Variants in SHOC2 observed in about 807,000 individuals in gnomAD.
SHOC2 encodes the protein SHOC2 leucine rich repeat scaffold protein.
In SHOC2, 4 loss-of-function variants were observed where a neutral mutation model predicts 50.2. That is an observed-to-expected ratio of 0.08 (90% CI 0.04 to 0.18). The LOEUF is 0.18. Ranked by LOEUF, SHOC2 falls within the 10% of genes least tolerant of loss-of-function variation. The pLI is 1.00. For missense variants in SHOC2, 388 were observed against 669.6 expected (o/e 0.58, Z 4.64); for synonymous variants, 218 against 244.5 (o/e 0.89, Z 1.01).
intron 2 of SHOC2, among the ~76,000 whole-genome samples, chr10:110,976,845 C>T (rs1046221244): frequency 3.3e-5 from 5 of 151,946 alleles, no homozygotes; most frequent in African/African-American, 1.2e-4. Flanking sequence ...GTAACTTTTC[C>T]CTTACTTGGT....
intron 1 of SHOC2, among the ~76,000 whole-genome samples, chr10:110,935,506 A>C (rs560758552): frequency 2.6e-5 from 4 of 152,316 alleles, no homozygotes; most frequent in African/African-American, 9.6e-5. Flanking sequence ...GCTAGTGTGA[A>C]TATCCTGGTG....
intron 3 of SHOC2, among the ~76,000 whole-genome samples, chr10:110,990,440 C>T (rs1279561271): frequency 6.6e-6 from 1 of 152,148 alleles, no homozygotes; most frequent in Non-Finnish European, 1.5e-5. Flanking sequence ...TTTGTGAGTG[C>T]ACCAATCAAC....
intron 1 of SHOC2, among the ~76,000 whole-genome samples, chr10:110,931,767 T>G (rs1012718902): frequency 6.6e-6 from 1 of 152,194 alleles, no homozygotes; most frequent in South Asian, 2.1e-4. Flanking sequence ...TAAAAATTGC[T>G]GTCTAGAATG....
chr10:110,953,324 T>C lies in SHOC2; in HGVS notation c.-234-10801T>C, dbSNP rs1275595997. On this transcript the variant is annotated intron_variant, in intron 1 of 8. Coordinates refer to ENST00000369452, the MANE Select transcript of SHOC2 (RefSeq NM_007373.4). ...GCATTTCTCTAATGATCAGAATCACTGATCTTTTTATTCTCTCCCTGGTTT... is the reference window on the plus strand; with the variant it reads ...GCATTTCTCTAATGATCAGAATCACCGATCTTTTTATTCTCTCCCTGGTTT... Among the ~76,000 whole-genome samples, 3 of 152,350 alleles carry C rather than the reference T, an allele frequency of 2.0e-5. No homozygotes were observed. The East Asian group carries it at 5.8e-4, about 29-fold the overall frequency.
chr10:110,972,422 A>T (rs936290207), intron 2 of SHOC2, among the ~76,000 whole-genome samples: 5 of 152,228 alleles, frequency 3.3e-5, no homozygotes, highest in Admixed American at 1.3e-4. Context: ...AGTAAAGGGA[A>T]TTCATAGTTG....
At chr10:110,937,586 A>G (rs1847052510) in intron 1 of SHOC2, among the ~76,000 whole-genome samples, 1 of 152,146 alleles carries the variant, frequency 6.6e-6, no homozygotes, top group African/African-American at 2.4e-5. Context: ...TATTTTTAAG[A>G]GGAAAAGAGG....
Position 111,007,774 on chromosome 10 carries a change from T to A in SHOC2, c.1284+121T>A, listed in dbSNP as rs191247562. On this transcript the variant is annotated intron_variant, in intron 6 of 8. Coordinates refer to ENST00000369452, the MANE Select transcript of SHOC2 (RefSeq NM_007373.4). ...ATGTCATAATTAGAAATGTTAGAAC[T>A]CACTTAAACATACAACCCTAATAGG... 372 of 994,232 alleles carry A rather than the reference T, an allele frequency of 3.7e-4. No individual in the cohort carries two copies. The African/African-American group carries it at 5.4e-3, about 14-fold the overall frequency. The allele number at this position is 994,232 out of a possible 1,614,324, so 61.6% of individuals were successfully genotyped here.
chr10:110,939,190 A>AT (rs747856225), intron 1 of SHOC2, among the ~76,000 whole-genome samples: 10 of 151,486 alleles, frequency 6.6e-5, no homozygotes, highest in African/African-American at 1.5e-4. Flanking sequence ...TTTTTTTGCT[A>AT]TTTTTTTTAC....
intron 1 of SHOC2, among the ~76,000 whole-genome samples, chr10:110,927,467 G>C (rs921623180): frequency 6.6e-6 from 1 of 152,176 alleles, no homozygotes; most frequent in Non-Finnish European, 1.5e-5. Flanking sequence ...ATACTAGGCA[G>C]CTTAAAATAG....
intron 2 of SHOC2, among the ~76,000 whole-genome samples, chr10:110,980,849 G>T (rs1847963412): frequency 6.6e-6 from 1 of 150,914 alleles, no homozygotes; most frequent in African/African-American, 2.4e-5. Flanking sequence ...TTCCTTATGT[G>T]TTTTCTTGTT....
chr10:110,993,191 A>G (rs1365604103), intron 3 of SHOC2, among the ~76,000 whole-genome samples: 1 of 152,196 alleles, frequency 6.6e-6, no homozygotes, highest in Non-Finnish European at 1.5e-5. Flanking sequence ...GCTCAGCAAC[A>G]ATGATTTTAT....
At chr10:110,934,833 A>C (rs1214779459) in intron 1 of SHOC2, among the ~76,000 whole-genome samples, 2 of 152,130 alleles carry the variant, frequency 1.3e-5, no homozygotes, top group East Asian at 3.9e-4. Flanking sequence ...AGATTCTTTA[A>C]GATTTTTAAA....
At chr10:110,971,443 T>A (rs1431003686) in intron 2 of SHOC2, among the ~76,000 whole-genome samples, 1 of 152,180 alleles carries the variant, frequency 6.6e-6, no homozygotes, top group Non-Finnish European at 1.5e-5. Context: ...CTGTGCATTT[T>A]GGTTACTCTA....
At chr10:110,974,906 A>G (rs1218336863) in intron 2 of SHOC2, among the ~76,000 whole-genome samples, 1 of 152,176 alleles carries the variant, frequency 6.6e-6, no homozygotes, top group Non-Finnish European at 1.5e-5. Context: ...TTATGTTTTT[A>G]AACAATTTTT....
At position 110,949,701 on chromosome 10, in the gene SHOC2, G is replaced by A. The variant is rs1590793051; in HGVS notation, c.-234-14424G>A. The stretch of plus-strand genomic sequence containing the variant: ...ATCCTCAACAAAATACTACTAAACT[G>A]AATTCAGCAACACATTAAAAGGTTC... On this transcript the variant is annotated intron_variant, in intron 1 of 8. Coordinates refer to ENST00000369452, the MANE Select transcript of SHOC2 (RefSeq NM_007373.4). Among the ~76,000 whole-genome samples, 6 of 152,198 alleles carry A rather than the reference G, an allele frequency of 3.9e-5. No individual in the cohort carries two copies. In the South Asian group the frequency reaches 1.0e-3, roughly 26 times the overall value.
At chr10:110,975,908 T>G (rs544596753) in intron 2 of SHOC2, among the ~76,000 whole-genome samples, 1 of 147,670 alleles carries the variant, frequency 6.8e-6, no homozygotes, top group East Asian at 2.1e-4. Flanking sequence ...CTGGATCTTC[T>G]CTTCTTCTTT....
In SHOC2 at chr10:111,009,839, C is replaced by T. The variant is rs779780436; in HGVS notation, c.1540+9C>T. ...CCTTCCTGAAGAAATTGGTATGAAC[C>T]CTGTGAATGCTTGACTCTGTACTAA... On this transcript the variant is annotated intron_variant, in intron 8 of 8. Coordinates refer to ENST00000369452, the MANE Select transcript of SHOC2 (RefSeq NM_007373.4). The T allele has an allele frequency of 3.6e-6, 5 of 1,373,270 alleles. No individual in the cohort carries two copies. The East Asian group carries it at 1.1e-4, about 31-fold the overall frequency. 85.1% of individuals were successfully genotyped at this position (1,373,270 alleles called of 1,614,324 possible).
At position 111,000,445 on chromosome 10, in the gene SHOC2, T is replaced by C; in HGVS notation, c.872T>C (p.Leu291Pro). The C allele has an allele frequency of 6.2e-7, 1 of 1,613,730 alleles. No homozygotes were observed. Among genetic ancestry groups the C allele is most frequent in the Non-Finnish European group, 8.5e-7 (1 of 1,179,720 alleles). The change falls in exon 4 of 9, where the codon CTG (leucine) becomes CCG (proline). Residue 291 changes from leucine to proline, a missense_variant. Leu to Pro is a moderately conservative substitution (Grantham distance 98). This residue lies in a region of SHOC2 where 48 missense variants were observed against 151.6 expected (regional missense o/e 0.32). Transcript: ENST00000369452. The part of the protein sequence containing the change: ...GNLSSLSRLG[L>P]RYNRLSAIPR... ...CTGTCCAGTTTAAGTCGTCTTGGTC[T>C]GAGATATAACAGACTGTCAGCAATA...
At chr10:110,947,385 G>T (rs566625600) in intron 1 of SHOC2, among the ~76,000 whole-genome samples, 49 of 152,342 alleles carry the variant, frequency 3.2e-4, no homozygotes, top group South Asian at 8.3e-4. Flanking sequence ...CTCTGGACAG[G>T]CTGACTGGTA....
Sources: gnomAD v4.1 joint callset for allele counts (sites outside exome capture counted in the v4.1 genomes callset) on GRCh38, gnomAD v4.1.1 for gene constraint, gnomAD v4.1.1 regional missense constraint, MANE v1.5 for transcripts, NCBI Gene and HGNC (gene_info 2026-07-23, HGNC 2026-07-21) for gene names.